The following SAMD12 variants were observed in gnomAD, a reference collection of about 807,000 sequenced individuals.
SAMD12 encodes the protein sterile alpha motif domain containing 12.
SAMD12 carries 9 observed loss-of-function variants against 15.0 expected under a neutral mutation model. The observed-to-expected ratio is 0.60, with a 90% CI of 0.36 to 1.05. The LOEUF is 1.05. SAMD12 is among the 50% of genes least tolerant of loss of function. The pLI is 0.01. For missense variants in SAMD12, 230 were observed against 234.2 expected (o/e 0.98, Z 0.12); for synonymous variants, 86 against 90.1 (o/e 0.96, Z 0.25).
chr8:118,442,216 T>G lies in SAMD12; in HGVS notation c.193-2255A>C, dbSNP rs570184735. Among the ~76,000 whole-genome samples, 5 of 152,338 alleles carry G rather than the reference T, an allele frequency of 3.3e-5. No homozygotes were observed. In the South Asian group the frequency reaches 8.3e-4, roughly 25 times the overall value. On this transcript the variant is annotated intron_variant, in intron 2 of 3. Transcript: ENST00000314727. The stretch of plus-strand genomic sequence containing the variant: ...GATGGGAGGGTGAGATCTGTTATAA[T>G]TTTGTGTTCCCCAGAGTGTCTTGTT...
chr8:118,404,788 G>C (rs189388749), intron 3 of SAMD12, among the ~76,000 whole-genome samples: 1 of 152,180 alleles, frequency 6.6e-6, no homozygotes, highest in East Asian at 1.9e-4. Context: ...AGCTCTACAA[G>C]TCCATTACTT....
intron 4 of SAMD12, among the ~76,000 whole-genome samples, chr8:118,209,698 G>A (rs563715667): frequency 6.6e-6 from 1 of 152,334 alleles, no homozygotes; most frequent in South Asian, 2.1e-4. Flanking sequence ...GAGCCCAGAT[G>A]TCCAAGACTA....
the SAMD12 span, among the ~76,000 whole-genome samples, chr8:118,139,088 T>C: frequency 1.4e-4 from 22 of 152,134 alleles, no homozygotes; most frequent in African/African-American, 4.6e-4. Flanking sequence ...GTGGTGGAAA[T>C]GGATATTAAC....
At chr8:118,184,023 A>G in the SAMD12 span, among the ~76,000 whole-genome samples, 5 of 152,346 alleles carry the variant, frequency 3.3e-5, no homozygotes, top group South Asian at 1.0e-3. Flanking sequence ...GAGGTGATGT[A>G]AAGAATATTT....
At chr8:118,539,630 C>T (rs1563571061) in intron 2 of SAMD12, among the ~76,000 whole-genome samples, 1 of 152,178 alleles carries the variant, frequency 6.6e-6, no homozygotes, top group Non-Finnish European at 1.5e-5. Context: ...AACTGCTGGT[C>T]ACCATGTTTG....
chr8:118,575,088 C>A (rs1360272160), intron 2 of SAMD12, among the ~76,000 whole-genome samples: 1 of 152,198 alleles, frequency 6.6e-6, no homozygotes, highest in Non-Finnish European at 1.5e-5. Flanking sequence ...AGTTGCCCTG[C>A]AGTCAACTCT....
At chr8:118,138,157 T>TAAG in the SAMD12 span, among the ~76,000 whole-genome samples, 1 of 152,092 alleles carries the variant, frequency 6.6e-6, no homozygotes, top group African/African-American at 2.4e-5. Flanking sequence ...GGAACAGTGA[T>TAAG]AAGAACATGG....
chr8:118,550,825 T>G lies in SAMD12; in HGVS notation c.192+29890A>C, dbSNP rs1462816295. On this transcript the variant is annotated intron_variant, in intron 2 of 3. Coordinates refer to ENST00000314727, the MANE Select transcript of SAMD12 (RefSeq NM_207506.3). ...CACACATAGGCTTAAAATAAAAGGA[T>G]GGAGGAAGATCTACCAAGCAAATGG... Among the ~76,000 whole-genome samples, 9 of 151,042 alleles carry G rather than the reference T, an allele frequency of 6.0e-5. No individual in the cohort carries two copies. The South Asian group carries it at 1.3e-3, about 21-fold the overall frequency.
chr8:118,233,614 T>G (rs1448182889), intron 4 of SAMD12, among the ~76,000 whole-genome samples: 3 of 152,166 alleles, frequency 2.0e-5, no homozygotes, highest in African/African-American at 7.2e-5. Flanking sequence ...CTTGGGATAG[T>G]GTCTGGCTTT....
At chr8:118,593,057 C>A (rs1317100327) in intron 1 of SAMD12, among the ~76,000 whole-genome samples, 1 of 152,142 alleles carries the variant, frequency 6.6e-6, no homozygotes, top group Non-Finnish European at 1.5e-5. Flanking sequence ...AACATTCAGA[C>A]TAAAGGAACA....
intron 2 of SAMD12, among the ~76,000 whole-genome samples, chr8:118,564,186 C>G (rs1826784181): frequency 6.6e-6 from 1 of 151,722 alleles, no homozygotes; most frequent in South Asian, 2.1e-4. Flanking sequence ...TTACCCATCC[C>G]CCCCTCACCC....
intron 4 of SAMD12, among the ~76,000 whole-genome samples, chr8:118,257,907 C>T (rs1315093714): frequency 6.6e-6 from 1 of 152,088 alleles, no homozygotes; most frequent in Non-Finnish European, 1.5e-5. Context: ...AAATAAAATG[C>T]TTTCTCCTGA....
chr8:118,246,470 A>G (rs554220901), intron 4 of SAMD12, among the ~76,000 whole-genome samples: 1 of 152,334 alleles, frequency 6.6e-6, no homozygotes, highest in African/African-American at 2.4e-5. Context: ...TAAGTTAGCC[A>G]GGAAGACAGG....
Position 118,280,949 on chromosome 8 carries a change from T to A in SAMD12, c.434-83217A>T, listed in dbSNP as rs73320217. 4.9e-3 allele frequency among the ~76,000 whole-genome samples: 748 copies of A among 152,302 alleles called. 5 individuals carry two copies. Among genetic ancestry groups the A allele is most frequent in the African/African-American group, 0.017 (706 of 41,570 alleles). On this transcript the variant is annotated intron_variant, in intron 4 of 4. Transcript: ENST00000409003. The stretch of plus-strand genomic sequence containing the variant: ...AGCGGAAATGGCAAGGCTGCCCTTT[T>A]TTGTCCCATATTAATGATGATATCC...
At position 118,234,065 on chromosome 8, in the gene SAMD12, A is replaced by G. The variant is rs1399745138; in HGVS notation, c.434-36333T>C. ...AGGAAAGATGAACTGAGATCTTTTT[A>G]TCTTAGAGAATTGTTTTCCAAAGAA... On this transcript the variant is annotated intron_variant, in intron 4 of 4. Coordinates refer to the SAMD12 transcript ENST00000409003. Among the ~76,000 whole-genome samples the G allele has an allele frequency of 2.0e-5, 3 of 152,300 alleles. No homozygotes were observed. In the East Asian group the frequency reaches 5.8e-4, roughly 29 times the overall value.
intron 1 of SAMD12, among the ~76,000 whole-genome samples, chr8:118,609,301 C>T (rs966922485): frequency 6.6e-6 from 1 of 152,228 alleles, no homozygotes; most frequent in African/African-American, 2.4e-5. Flanking sequence ...TCACTGAGCA[C>T]TTCTGTACCA....
chr8:118,233,392 T>A (rs17507754), intron 4 of SAMD12, among the ~76,000 whole-genome samples: 1,877 of 152,272 alleles, frequency 0.012, 50 homozygotes, highest in African/African-American at 0.043. Flanking sequence ...TATTTGGAAT[T>A]CAAGAGTAAT....
At position 118,547,173 on chromosome 8, in the gene SAMD12, A is replaced by G. The variant is rs186979186; in HGVS notation, c.192+33542T>C. ...CGAGCTTGCCACTCGTGACCAGGGA[A>G]AAAGTTTTACAACAGCATGTTCCAC... On this transcript the variant is annotated intron_variant, in intron 2 of 3. Coordinates refer to ENST00000314727, the MANE Select transcript of SAMD12 (RefSeq NM_207506.3). Among the ~76,000 whole-genome samples, 218 of 152,316 alleles carry G rather than the reference A, an allele frequency of 1.4e-3. 2 individuals carry two copies. Among genetic ancestry groups the G allele is most frequent in the Non-Finnish European group, 2.7e-3 (187 of 68,028 alleles).
At position 118,378,785 on chromosome 8, in the gene SAMD12, T is replaced by C; in HGVS notation, c.*632A>G. The C allele has an allele frequency of 4.1e-6, 4 of 983,464 alleles. No homozygotes were observed. Among genetic ancestry groups the C allele is most frequent in the Non-Finnish European group, 4.8e-6 (4 of 828,112 alleles). 60.9% of individuals were successfully genotyped at this position (983,464 alleles called of 1,614,324 possible). ...ATAGCATCCAAATCTCATGTAGACA[T>C]ATCAGTTACATATAGTGTAACTTAA... On this transcript the variant is annotated 3_prime_UTR_variant, in exon 4 of 4. Transcript: ENST00000314727.
Sources: gnomAD v4.1 joint callset for allele counts (sites outside exome capture counted in the v4.1 genomes callset) on GRCh38, gnomAD v4.1.1 for gene constraint, MANE v1.5 for transcripts, NCBI Gene and HGNC (gene_info 2026-07-23, HGNC 2026-07-21) for gene names.